The following MRPL45 variants were observed in gnomAD, a reference collection of about 807,000 sequenced individuals.
The protein encoded by MRPL45 is large ribosomal subunit protein mL45.
A neutral mutation model predicts 38.1 loss-of-function variants in MRPL45; 20 were observed. The ratio of observed to expected loss-of-function variants is 0.53; its 90% CI spans 0.37 to 0.76. The LOEUF (loss-of-function observed/expected upper bound fraction) is 0.76. Ranked by LOEUF, MRPL45 falls within the 30% of genes least tolerant of loss-of-function variation. The probability of loss-of-function intolerance (pLI) is 0.00; values close to 1 mark genes in which losing one functional copy is unlikely to be tolerated. For missense variants in MRPL45, 337 were observed against 395.6 expected (o/e 0.85, Z 1.26); for synonymous variants, 105 against 128.8 (o/e 0.82, Z 1.25).
At chr17:38,313,385 C>A (rs1392588918) in intron 4 of MRPL45, among the ~76,000 whole-genome samples, 1,181 of 19,584 alleles carry the variant, frequency 0.06, 80 homozygotes, top group Non-Finnish European at 0.076. Context: ...TATATATATA[C>A]ATATATATAT....
rs746362550 is a variant in MRPL45, at chr17:38,318,687, C to T, written c.462C>T (p.Asn154=). 8 of 1,605,286 alleles carry T rather than the reference C, an allele frequency of 5.0e-6. No individual in the cohort carries two copies. In the East Asian group the frequency reaches 1.8e-4, roughly 36 times the overall value. Residue 154 remains asparagine, a splice_region_variant and synonymous_variant, in exon 5 of 8, where the codon AAC becomes AAT. Transcript: ENST00000613675. ...IFIEAHLCLN[N]SDHDRLHTLV... ...TGATATTTATTGCTTTCTTTTCTAG[C>T]TCAGACCATGACCGGCTTCATACCT...
chr17:38,298,740 C>T (rs1420139251), intron 2 of MRPL45, 114 bp downstream of exon 2: 65 of 1,496,530 alleles, frequency 4.3e-5, no homozygotes, highest in Non-Finnish European at 5.2e-5. Context: ...TCAGTTCAAC[C>T]TCAATAATGA....
At position 38,316,558 on chromosome 17, in the gene MRPL45, C is replaced by CAA. The variant is rs1278404743; in HGVS notation, c.462-2128_462-2127insAA. On this transcript the variant is annotated intron_variant, in intron 4 of 7. Transcript: ENST00000613675. ...GGTGTGGTGGCTCATGCCTATAATCCAGTACTTTGGGAGGCCGAGGCGGGC... is the reference window on the plus strand; with the variant it reads ...GGTGTGGTGGCTCATGCCTATAATCCAAAGTACTTTGGGAGGCCGAGGCGGGC... Among the ~76,000 whole-genome samples the CAA allele has an allele frequency of 9.9e-5, 15 of 151,536 alleles. No individual in the cohort carries two copies. In the South Asian group the frequency reaches 3.1e-3, roughly 32 times the overall value.
Position 38,320,706 on chromosome 17 carries a change from C to A in MRPL45, c.599C>A (p.Ser200Ter). Residue 200 changes from serine to a stop codon, truncating the protein, a stop_gained, in exon 6 of 8, where the codon TCA becomes TAA. Transcript: ENST00000613675. LOFTEE classifies it high-confidence loss of function. ...TCTCATGTTGTTCAAGTTCGCTGTT[C>A]AAGTATGATGAACCAGGGCAACGTG... ...EPSHVVQVRC[S>*]SMMNQGNVYG... The A allele has an allele frequency of 1.2e-6, 2 of 1,614,146 alleles. No individual in the cohort carries two copies. The highest frequency in any genetic ancestry group is 1.7e-6 in the Non-Finnish European group (2 of 1,180,030).
intron 3 of MRPL45, among the ~76,000 whole-genome samples, chr17:38,302,785 C>T (rs2037011937): frequency 6.7e-6 from 1 of 148,594 alleles, no homozygotes; most frequent in Admixed American, 6.7e-5. Flanking sequence ...AGTGCAGTGG[C>T]TCCATCTCGG....
Position 38,299,250 on chromosome 17 carries a change from A to G in MRPL45, c.245-101A>G, listed in dbSNP as rs1178185763. The G allele has an allele frequency of 9.6e-6, 7 of 725,974 alleles. No individual in the cohort carries two copies. In the Admixed American group the frequency reaches 2.1e-4, roughly 21 times the overall value. The allele number at this position is 725,974 out of a possible 1,614,324, so 45.0% of individuals were successfully genotyped here. A position where few individuals can be genotyped will look rare whatever the true frequency, so the allele number is the denominator to read the frequency against. On this transcript the variant is annotated intron_variant, in intron 2 of 7. Transcript: ENST00000613675. The stretch of plus-strand genomic sequence containing the variant: ...ACATGGAAGTCTGTTTCATTAGTCT[A>G]CTTCATATCCACAATCCTTCCCAAT...
chr17:38,317,073 G>A (rs2144234206), intron 4 of MRPL45, among the ~76,000 whole-genome samples: 1 of 152,294 alleles, frequency 6.6e-6, no homozygotes, highest in South Asian at 2.1e-4. Flanking sequence ...TGGGATTACA[G>A]GCATGAGCCA....
At chr17:38,315,742 C>CTTTCTTTTTTTTTTT in intron 4 of MRPL45, among the ~76,000 whole-genome samples, 1 of 147,276 alleles carries the variant, frequency 6.8e-6, no homozygotes, top group African/African-American at 2.5e-5. Context: ...ATTTCTTTTT[C>CTTTCTTTTTTTTTTT]TTTCTTTTTT....
chr17:38,314,610 T>A (rs1443927319), intron 4 of MRPL45, among the ~76,000 whole-genome samples: 1 of 152,208 alleles, frequency 6.6e-6, no homozygotes, highest in Non-Finnish European at 1.5e-5. Context: ...CACATTTAGG[T>A]CTTTGCTCCA....
rs771021912 is a variant in MRPL45 at position 38,320,606 on chromosome 17, C to T, written c.511-12C>T. Reference sequence around the variant, plus strand: ...GAAAAATGCAGTTGAACTTGTTCTCCTTTGCCCTTAGGACATGACTTGGGA... The same window carrying T: ...GAAAAATGCAGTTGAACTTGTTCTCTTTTGCCCTTAGGACATGACTTGGGA... On this transcript the variant is annotated splice_polypyrimidine_tract_variant and intron_variant, in intron 5 of 7. Coordinates refer to ENST00000613675, the MANE Select transcript of MRPL45 (RefSeq NM_032351.6). 6.2e-7 allele frequency: 1 copy of T among 1,613,502 alleles called. No individual in the cohort carries two copies. Among genetic ancestry groups the T allele is most frequent in the Non-Finnish European group, 8.5e-7 (1 of 1,179,570 alleles).
At position 38,322,119 on chromosome 17, in the gene MRPL45, C is replaced by T. The variant is rs750686719; in HGVS notation, c.661-7C>T. 6.2e-7 allele frequency: 1 copy of T among 1,612,732 alleles called. No homozygotes were observed. Among genetic ancestry groups the T allele is most frequent in the Non-Finnish European group, 8.5e-7 (1 of 1,178,956 alleles). On this transcript the variant is annotated splice_polypyrimidine_tract_variant and splice_region_variant and intron_variant, in intron 6 of 7. Transcript: ENST00000613675. ...CTAAGAGGCCAGATTTGCTTTTATC[C>T]TTGCAGACTCTGGCCATCTATGACC... is the stretch of plus-strand genomic sequence containing the variant.
intron 4 of MRPL45, among the ~76,000 whole-genome samples, chr17:38,313,619 C>A (rs986365470): frequency 7.3e-5 from 11 of 149,726 alleles, no homozygotes; most frequent in African/African-American, 2.7e-4. Context: ...CATTGAGCAT[C>A]TTTTCATGTG....
At chr17:38,309,578 C>T (rs1209122333) in intron 4 of MRPL45, among the ~76,000 whole-genome samples, 2 of 150,384 alleles carry the variant, frequency 1.3e-5, no homozygotes, top group Non-Finnish European at 3.0e-5. Context: ...CAGCAATTTA[C>T]TATGATTTAT....
At position 38,322,242 on chromosome 17, in the gene MRPL45, G is replaced by C; in HGVS notation, c.777G>C (p.Trp259Cys). Residue 259 changes from tryptophan to cysteine, a missense_variant, in exon 7 of 8, where the codon TGG (tryptophan) becomes TGC (cysteine). Around this residue, in one of 3 missense-constraint regions of MRPL45, gnomAD observed 251 missense variants for 269.1 expected, o/e 0.93. Coordinates refer to ENST00000613675, the MANE Select transcript of MRPL45 (RefSeq NM_032351.6). ...EKQLTNPYGS[W>C]RMHTKIVPPW... Reference sequence around the variant, plus strand: ...AGTTGACAAACCCCTATGGAAGCTGGAGAATGCATACCAAGATCGTTCCCC... The same window carrying C: ...AGTTGACAAACCCCTATGGAAGCTGCAGAATGCATACCAAGATCGTTCCCC... 4 of 1,614,096 alleles carry C rather than the reference G, an allele frequency of 2.5e-6. No homozygotes were observed. Among genetic ancestry groups the C allele is most frequent in the Non-Finnish European group, 3.4e-6 (4 of 1,180,012 alleles).
intron 1 of MRPL45, 80 bp downstream of exon 1, chr17:38,297,329 T>C (rs1004912171): frequency 5.1e-6 from 7 of 1,374,364 alleles, no homozygotes; most frequent in Non-Finnish European, 7.2e-6. Context: ...TGTGCAATTG[T>C]CCTTGGTGAG....
chr17:38,305,558 G>A (rs1339098394), intron 3 of MRPL45, among the ~76,000 whole-genome samples: 20 of 150,206 alleles, frequency 1.3e-4, no homozygotes, highest in Non-Finnish European at 1.9e-4. Flanking sequence ...GTGCAGTGGC[G>A]CGATCACTAC....
At chr17:38,317,573 T>C (rs547301323) in intron 4 of MRPL45, among the ~76,000 whole-genome samples, 1 of 151,940 alleles carries the variant, frequency 6.6e-6, no homozygotes, top group African/African-American at 2.4e-5. Context: ...TTTTTTTGTT[T>C]TGTTTTGTTT....
chr17:38,301,436 C>T (rs1171609078), intron 3 of MRPL45, among the ~76,000 whole-genome samples: 1 of 152,086 alleles, frequency 6.6e-6, no homozygotes, highest in Non-Finnish European at 1.5e-5. Flanking sequence ...GATGGGGTTT[C>T]TCCATGTTGG....
chr17:38,309,413 G>T (rs1238770194), intron 4 of MRPL45, among the ~76,000 whole-genome samples: 1 of 151,524 alleles, frequency 6.6e-6, no homozygotes, highest in Non-Finnish European at 1.5e-5. Flanking sequence ...TCTGCTACTT[G>T]GGAGGGGCTG....
Sources: allele counts gnomAD v4.1 joint callset (sites outside exome capture counted in the v4.1 genomes callset), GRCh38; gene constraint gnomAD v4.1.1; regional missense constraint gnomAD v4.1.1; transcripts MANE v1.5; gene names NCBI Gene and HGNC (gene_info 2026-07-23, HGNC 2026-07-21).